Variants in PHACTR2 observed in about 807,000 individuals in gnomAD.
PHACTR2 encodes phosphatase and actin regulator 2.
PHACTR2 carries 30 observed loss-of-function variants against 76.0 expected under a neutral mutation model. The observed-to-expected ratio is 0.39, with a 90% CI of 0.30 to 0.54. PHACTR2 has a LOEUF of 0.54. Ranked by LOEUF, PHACTR2 falls within the 20% of genes least tolerant of loss-of-function variation. The pLI, the probability that PHACTR2 is intolerant of heterozygous loss-of-function variation, is 0.61. For synonymous variants in PHACTR2, 292 were observed against 292.5 expected, an observed-to-expected ratio of 1.00 and a Z score of 0.02; for missense variants, 696 against 781.1, an observed-to-expected ratio of 0.89 and a Z score of 1.30.
In PHACTR2 at chr6:143,757,962, C is replaced by T. The variant is rs560140298; in HGVS notation, c.455-2439C>T. On this transcript the variant is annotated intron_variant, in intron 4 of 12. Coordinates refer to ENST00000440869, the MANE Select transcript of PHACTR2 (RefSeq NM_001100164.2). The surrounding 1 kb of genome is among the most constrained non-coding windows in gnomAD (Gnocchi z 4.2). ...GCGTGTGTGTGCATGCACACGTGCGCGCACACACACACACACACACACACA... is the reference window on the plus strand; with the variant it reads ...GCGTGTGTGTGCATGCACACGTGCGTGCACACACACACACACACACACACA... 2.4e-3 allele frequency among the ~76,000 whole-genome samples: 273 copies of T among 111,484 alleles called. No homozygotes were observed. The highest frequency in any genetic ancestry group is 6.9e-3 in the African/African-American group (168 of 24,234). The allele number at this position is 111,484 out of a possible 152,430, so 73.1% of individuals were successfully genotyped here. A position where few individuals can be genotyped will look rare whatever the true frequency, so the allele number is the denominator to read the frequency against.
At chr6:143,747,319 T>C (rs1346597228) in intron 2 of PHACTR2, among the ~76,000 whole-genome samples, 1 of 152,230 alleles carries the variant, frequency 6.6e-6, no homozygotes, top group Non-Finnish European at 1.5e-5. Flanking sequence ...GACTAAGCGT[T>C]GCTATTCTGT....
At chr6:143,628,037 T>C (rs1015599529) in intron 1 of PHACTR2, among the ~76,000 whole-genome samples, 5 of 152,234 alleles carry the variant, frequency 3.3e-5, no homozygotes, top group South Asian at 2.1e-4. Context: ...AATGGAATCA[T>C]AAAATATGTT....
At chr6:143,771,706 G>T (rs907900761) in intron 6 of PHACTR2, among the ~76,000 whole-genome samples, 1 of 152,042 alleles carries the variant, frequency 6.6e-6, no homozygotes, top group African/African-American at 2.4e-5. Context: ...CAAAGTGCTG[G>T]AGTTACAGGT....
In PHACTR2 at chr6:143,753,148, T is replaced by G. The variant is rs370264295; in HGVS notation, c.296-606T>G. On this transcript the variant is annotated intron_variant, in intron 3 of 12. Transcript: ENST00000440869. The surrounding 1 kb of genome is among the most constrained non-coding windows in gnomAD (Gnocchi z 4.6). ...ATATATAATAATTACCTGAGTATAC[T>G]TTAATCTTTCCATAAACAAATAAAA... Among the ~76,000 whole-genome samples, 653 of 152,220 alleles carry G rather than the reference T, an allele frequency of 4.3e-3. 5 individuals are homozygous for G. Among genetic ancestry groups the G allele is most frequent in the African/African-American group, 0.014 (593 of 41,546 alleles).
At chr6:143,740,391 C>A (rs953177107) in intron 2 of PHACTR2, among the ~76,000 whole-genome samples, 4 of 151,758 alleles carry the variant, frequency 2.6e-5, no homozygotes, top group Admixed American at 6.6e-5. Context: ...TGGAATGCAG[C>A]CCAGCAGGTC....
intron 1 of PHACTR2, among the ~76,000 whole-genome samples, chr6:143,649,144 C>T (rs1776712131): frequency 6.6e-6 from 1 of 151,994 alleles, no homozygotes; most frequent in African/African-American, 2.4e-5. Context: ...TCAACCAAAG[C>T]CCACGGCTTT....
chr6:143,538,288 C>G (rs1781138331), intron 1 of PHACTR2, among the ~76,000 whole-genome samples: 1 of 152,222 alleles, frequency 6.6e-6, no homozygotes, highest in Non-Finnish European at 1.5e-5. Context: ...TCTCTCCTAT[C>G]TCAGTATTCA....
rs1011850568 is a variant in PHACTR2 at position 143,821,313 on chromosome 6, T to A, written c.1923-2361T>A. Among the ~76,000 whole-genome samples, 5 of 152,236 alleles carry A rather than the reference T, an allele frequency of 3.3e-5. No homozygotes were observed. The highest frequency in any genetic ancestry group is 2.9e-5 in the Non-Finnish European group (2 of 68,042). Reference sequence around the variant, plus strand: ...ACTTTTGTCAAACACAGAAGTAATATAAGTCCCTCGTATCCAACTAGCAGC... The same window carrying A: ...ACTTTTGTCAAACACAGAAGTAATAAAAGTCCCTCGTATCCAACTAGCAGC... On this transcript the variant is annotated intron_variant, in intron 12 of 12. Transcript: ENST00000440869. This position sits in a 1 kb window ranked among gnomAD's most constrained non-coding sequence, Gnocchi z 5.2.
rs1779153421 is a variant in PHACTR2, at chr6:143,750,154, G to A, written c.295+1089G>A. On this transcript the variant is annotated intron_variant, in intron 3 of 12. Coordinates refer to ENST00000440869, the MANE Select transcript of PHACTR2 (RefSeq NM_001100164.2). The surrounding 1 kb of genome is among the most constrained non-coding windows in gnomAD (Gnocchi z 4.6). ...TTTTTCTCCTGATTCAAAGAAAGTA[G>A]GGAACTCTGCAGTGAATAGTAGCAT... Among the ~76,000 whole-genome samples, 1 of 152,132 alleles carries A rather than the reference G, an allele frequency of 6.6e-6. No individual in the cohort carries two copies. The highest frequency in any genetic ancestry group is 2.4e-5 in the African/African-American group (1 of 41,428).
chr6:143,583,595 T>G lies in PHACTR2; in HGVS notation c.217+46388T>G, dbSNP rs1481499845. ...TTGCCTGGAAGGCAGTGTGTTAGTA[T>G]GGAGAGAGCGAGGGCTAAAGTAGAG... On this transcript the variant is annotated intron_variant, in intron 1 of 11. Transcript: ENST00000367584. The surrounding 1 kb of genome is among the most constrained non-coding windows in gnomAD (Gnocchi z 4.0). Among the ~76,000 whole-genome samples, 1 of 152,244 alleles carries G rather than the reference T, an allele frequency of 6.6e-6. No homozygotes were observed. The highest frequency in any genetic ancestry group is 6.5e-5 in the Admixed American group (1 of 15,278).
rs76560282 is a variant in PHACTR2, at chr6:143,538,957, G to A, written c.217+1750G>A. Among the ~76,000 whole-genome samples the A allele has an allele frequency of 3.6e-3, 542 of 152,250 alleles. 5 individuals are homozygous for A. The highest frequency in any genetic ancestry group is 0.013 in the African/African-American group (520 of 41,538). The stretch of plus-strand genomic sequence containing the variant: ...TTGGTGTGCTGGCCAAACTGAACTC[G>A]AGCCATGGATTATTTTGATTGATTT... On this transcript the variant is annotated intron_variant, in intron 1 of 11. Coordinates refer to the PHACTR2 transcript ENST00000367584.
rs144077213 is a variant in PHACTR2, at chr6:143,783,005, A to ATGTGTGTGTGTGTGTGTG, written c.1646-200_1646-183dup. Among the ~76,000 whole-genome samples the ATGTGTGTGTGTGTGTGTG allele has an allele frequency of 2.1e-5, 3 of 146,240 alleles. No individual in the cohort carries two copies. Among genetic ancestry groups the ATGTGTGTGTGTGTGTGTG allele is most frequent in the East Asian group, 4.1e-4 (2 of 4,930 alleles). The stretch of plus-strand genomic sequence containing the variant: ...AGCAAACCAGTCCTACAAAAAAAGC[A>ATGTGTGTGTGTGTGTGTG]TGTGTGTGTGTGTGTGTGTGTGTGT... On this transcript the variant is annotated intron_variant, in intron 9 of 12. Transcript: ENST00000440869. This position sits in a 1 kb window ranked among gnomAD's most constrained non-coding sequence, Gnocchi z 5.2.
In PHACTR2 at chr6:143,753,976, T is replaced by G; in HGVS notation, c.454+64T>G. ...ATAGCTCAATGTCTAGAACCAGCAC[T>G]TAGGCTCCAACTAGTGACTCTAAAA... On this transcript the variant is annotated intron_variant, in intron 4 of 12. Coordinates refer to ENST00000440869, the MANE Select transcript of PHACTR2 (RefSeq NM_001100164.2). This position sits in a 1 kb window ranked among gnomAD's most constrained non-coding sequence, Gnocchi z 4.6. 1 of 1,144,844 alleles carries G rather than the reference T, an allele frequency of 8.7e-7. No homozygotes were observed. The highest frequency in any genetic ancestry group is 2.0e-5 in the South Asian group (1 of 50,550). The allele number at this position is 1,144,844 out of a possible 1,614,324, so 70.9% of individuals were successfully genotyped here.
chr6:143,545,995 A>C (rs955030388), intron 1 of PHACTR2, among the ~76,000 whole-genome samples: 1 of 152,208 alleles, frequency 6.6e-6, no homozygotes, highest in Non-Finnish European at 1.5e-5. Flanking sequence ...CTTTTAATCT[A>C]AAACAACTCA....
intron 2 of PHACTR2, among the ~76,000 whole-genome samples, chr6:143,736,877 A>T (rs925756841): frequency 2.6e-5 from 4 of 151,706 alleles, no homozygotes; most frequent in Admixed American, 6.6e-5. Context: ...TCCGGCCTAC[A>T]AGATATTTTA....
At chr6:143,559,696 T>C (rs1005552399) in intron 1 of PHACTR2, among the ~76,000 whole-genome samples, 3 of 46,248 alleles carry the variant, frequency 6.5e-5, no homozygotes, top group East Asian at 3.9e-4. Flanking sequence ...TTTTCTTTTT[T>C]TTTTTTTTTT....
rs939483006 is a variant in PHACTR2, at chr6:143,816,348, C to T, written c.1923-7326C>T. 1.3e-5 allele frequency among the ~76,000 whole-genome samples: 2 copies of T among 151,952 alleles called. No individual in the cohort carries two copies. Among genetic ancestry groups the T allele is most frequent in the Admixed American group, 6.6e-5 (1 of 15,242 alleles). ...GAAGAGTATTTTGCATTTTCAGTAC[C>T]TCTAACCACAGCGTTTTAGAGCTGA... is the stretch of plus-strand genomic sequence containing the variant. On this transcript the variant is annotated intron_variant, in intron 12 of 12. Transcript: ENST00000440869. The surrounding 1 kb of genome is among the most constrained non-coding windows in gnomAD (Gnocchi z 4.5).
chr6:143,628,111 G>A (rs1776291816), intron 1 of PHACTR2, among the ~76,000 whole-genome samples: 1 of 152,186 alleles, frequency 6.6e-6, no homozygotes, highest in African/African-American at 2.4e-5. Flanking sequence ...GGTTGTAGCA[G>A]GTTATCAATA....
At chr6:143,771,192 G>GTGTA (rs1316131866) in intron 6 of PHACTR2, among the ~76,000 whole-genome samples, 3 of 16,630 alleles carry the variant, frequency 1.8e-4, no homozygotes, top group Non-Finnish European at 2.8e-4. Flanking sequence ...ATATATATGT[G>GTGTA]TGTATATATA....
Sources: allele counts gnomAD v4.1 joint callset (sites outside exome capture counted in the v4.1 genomes callset), GRCh38; gene constraint gnomAD v4.1.1; non-coding constraint Gnocchi (gnomAD v3.1); transcripts MANE v1.5; gene names NCBI Gene and HGNC (gene_info 2026-07-23, HGNC 2026-07-21).